The following THSD7A variants were observed in gnomAD, a reference collection of about 807,000 sequenced individuals.
The protein encoded by THSD7A is thrombospondin type-1 domain-containing protein 7A.
In THSD7A, 96 loss-of-function variants were observed where a neutral mutation model predicts 231.3. That is an observed-to-expected ratio of 0.41 (90% confidence interval 0.35 to 0.49). The LOEUF (loss-of-function observed/expected upper bound fraction) is 0.49, where lower values mean the gene tolerates loss of function less well. Ranked by LOEUF, THSD7A falls within the 20% of genes least tolerant of loss-of-function variation. The pLI is 0.05. For synonymous variants in THSD7A, 940 were observed against 743.3 expected (o/e 1.26, Z -4.30); for missense variants, 2,290 against 2,070.2 (o/e 1.11, Z -2.06).
chr7:11,718,959 G>C (rs543394366), intron 1 of THSD7A, among the ~76,000 whole-genome samples: 3 of 151,690 alleles, frequency 2.0e-5, no homozygotes, highest in Non-Finnish European at 4.4e-5. Context: ...AAAAGCATCA[G>C]ACAGATTTAT....
intron 1 of THSD7A, among the ~76,000 whole-genome samples, chr7:11,815,812 GA>G (rs974224317): frequency 6.6e-6 from 1 of 152,042 alleles, no homozygotes; most frequent in Non-Finnish European, 1.5e-5. Context: ...TTATTATTAT[GA>G]AAAGACTGTG....
intron 6 of THSD7A, among the ~76,000 whole-genome samples, chr7:11,533,090 T>C (rs544817363): frequency 1.3e-5 from 2 of 152,254 alleles, no homozygotes; most frequent in Non-Finnish European, 2.9e-5. Flanking sequence ...TGGATATGGC[T>C]TTTGGGGCAT....
intron 2 of THSD7A, among the ~76,000 whole-genome samples, chr7:11,594,823 A>T (rs2128342406): frequency 6.6e-6 from 1 of 152,306 alleles, no homozygotes; most frequent in East Asian, 1.9e-4. Context: ...TTATCATGTG[A>T]GTGGGTCATC....
rs190108063 is a variant in THSD7A at position 11,422,889 on chromosome 7, G to A, written c.3383+1807C>T. On this transcript the variant is annotated intron_variant, in intron 16 of 27. Transcript: ENST00000423059. ...GATGGTCTTGATTTCTTGACGTTGTGATCTGCCTTCCTCGGCCTCCCAAAG... is the reference window on the plus strand; with the variant it reads ...GATGGTCTTGATTTCTTGACGTTGTAATCTGCCTTCCTCGGCCTCCCAAAG... Among the ~76,000 whole-genome samples the A allele has an allele frequency of 1.5e-3, 230 of 152,252 alleles. 1 individual carries two copies. Among genetic ancestry groups the A allele is most frequent in the African/African-American group, 5.1e-3 (212 of 41,550 alleles).
rs59121982 is a variant in THSD7A at position 11,512,942 on chromosome 7, G to GAT, written c.1822+28475_1822+28476dup. On this transcript the variant is annotated intron_variant, in intron 6 of 27. Transcript: ENST00000423059. ...TAAAGTATAATAAAAAAGAAACTAT[G>GAT]ATATATATATATATATATGTAAAAT... is the stretch of plus-strand genomic sequence containing the variant. Among the ~76,000 whole-genome samples, 457 of 101,924 alleles carry GAT rather than the reference G, an allele frequency of 4.5e-3. 45 individuals are homozygous for GAT. Among genetic ancestry groups the GAT allele is most frequent in the African/African-American group, 0.013 (284 of 21,620 alleles). 66.9% of individuals were successfully genotyped at this position (101,924 alleles called of 152,430 possible). A position where few individuals can be genotyped will look rare whatever the true frequency, so the allele number is the denominator to read the frequency against.
At chr7:11,755,605 G>A (rs1782648264) in intron 1 of THSD7A, among the ~76,000 whole-genome samples, 1 of 152,078 alleles carries the variant, frequency 6.6e-6, no homozygotes, top group African/African-American at 2.4e-5. Flanking sequence ...ACAGGTCGAG[G>A]AAGTCTCTGT....
At chr7:11,736,344 C>T (rs1307515506) in intron 1 of THSD7A, among the ~76,000 whole-genome samples, 1 of 151,660 alleles carries the variant, frequency 6.6e-6, no homozygotes, top group Non-Finnish European at 1.5e-5. Flanking sequence ...CATGGTAGTC[C>T]CAGCTACTCA....
chr7:11,768,269 A>T (rs530407836), intron 1 of THSD7A, among the ~76,000 whole-genome samples: 1 of 152,306 alleles, frequency 6.6e-6, no homozygotes, highest in South Asian at 2.1e-4. Flanking sequence ...ACAATATATC[A>T]GGATATATTG....
At chr7:11,727,076 T>C (rs1781573350) in intron 1 of THSD7A, among the ~76,000 whole-genome samples, 1 of 151,986 alleles carries the variant, frequency 6.6e-6, no homozygotes, top group East Asian at 1.9e-4. Flanking sequence ...CTTACACCCC[T>C]GGTGCTGATA....
chr7:11,491,961 G>T (rs1475495256), intron 6 of THSD7A, among the ~76,000 whole-genome samples: 1 of 151,660 alleles, frequency 6.6e-6, no homozygotes, highest in Non-Finnish European at 1.5e-5. Flanking sequence ...TTCTCTGAGG[G>T]GTCTTCACAC....
At chr7:11,665,434 T>A (rs1411570772) in intron 1 of THSD7A, among the ~76,000 whole-genome samples, 19 of 152,104 alleles carry the variant, frequency 1.2e-4, no homozygotes, top group Admixed American at 1.2e-3. Flanking sequence ...CAAATGTGAC[T>A]TGGGTTTTTA....
chr7:11,440,339 A>G lies in THSD7A; in HGVS notation c.3064+5722T>C, dbSNP rs568748720. 3.3e-5 allele frequency among the ~76,000 whole-genome samples: 5 copies of G among 152,212 alleles called. No homozygotes were observed. In the South Asian group the frequency reaches 1.0e-3, roughly 32 times the overall value. On this transcript the variant is annotated intron_variant, in intron 13 of 27. Transcript: ENST00000423059. ...GAATGTTGTTTGCCTGCCTGCTAACACAATATCTATTCTGCAGCACATGGG... is the reference window on the plus strand; with the variant it reads ...GAATGTTGTTTGCCTGCCTGCTAACGCAATATCTATTCTGCAGCACATGGG...
At chr7:11,720,049 C>G (rs181540139) in intron 1 of THSD7A, among the ~76,000 whole-genome samples, 1 of 151,854 alleles carries the variant, frequency 6.6e-6, no homozygotes, top group East Asian at 2.0e-4. Context: ...CATGGCATGA[C>G]TGCAAATAAG....
intron 6 of THSD7A, among the ~76,000 whole-genome samples, chr7:11,491,498 A>C (rs1311919458): frequency 6.6e-6 from 1 of 152,094 alleles, no homozygotes; most frequent in African/African-American, 2.4e-5. Context: ...TTGGTCATCA[A>C]ATCTTCTCAG....
chr7:11,518,619 ACG>A (rs1491286453), intron 6 of THSD7A, among the ~76,000 whole-genome samples: 1 of 151,598 alleles, frequency 6.6e-6, no homozygotes, highest in African/African-American at 2.4e-5. Flanking sequence ...ACACACACAC[ACG>A]CACACACAGG....
intron 2 of THSD7A, among the ~76,000 whole-genome samples, chr7:11,618,967 G>T (rs1268596927): frequency 6.6e-6 from 1 of 151,606 alleles, no homozygotes; most frequent in Non-Finnish European, 1.5e-5. Context: ...TTAATGAATC[G>T]TTCTCAATCC....
chr7:11,610,118 T>G (rs1278314481), intron 2 of THSD7A, among the ~76,000 whole-genome samples: 2 of 152,174 alleles, frequency 1.3e-5, no homozygotes, highest in East Asian at 3.9e-4. Flanking sequence ...TTTTAAGATA[T>G]TAATAACTTT....
At chr7:11,382,331 T>C (rs1362003502) in intron 24 of THSD7A, among the ~76,000 whole-genome samples, 190 bp downstream of exon 24, 1 of 152,176 alleles carries the variant, frequency 6.6e-6, no homozygotes, top group Non-Finnish European at 1.5e-5. Flanking sequence ...GAGAGATAAT[T>C]TGAACCACCT....
At chr7:11,753,963 C>A (rs1782592017) in intron 1 of THSD7A, among the ~76,000 whole-genome samples, 1 of 151,886 alleles carries the variant, frequency 6.6e-6, no homozygotes, top group Non-Finnish European at 1.5e-5. Flanking sequence ...CAAACAGACA[C>A]ACTATGGAAA....
Sources: allele counts gnomAD v4.1 joint callset (sites outside exome capture counted in the v4.1 genomes callset), GRCh38; gene constraint gnomAD v4.1.1; transcripts MANE v1.5; gene names NCBI Gene and HGNC (gene_info 2026-07-23, HGNC 2026-07-21).